ADGRG4: variants seen among roughly 807,000 people sequenced by gnomAD.
ADGRG4 encodes the protein adhesion G protein-coupled receptor G4.
In ADGRG4, 122 loss-of-function variants were observed where a neutral mutation model predicts 126.2. That is an observed-to-expected ratio of 0.97 (90% CI 0.83 to 1.12). The LOEUF is 1.12. ADGRG4 is among the 50% of genes most tolerant of loss of function. The probability of loss-of-function intolerance (pLI) is 0.00; values close to 1 mark genes in which losing one functional copy is unlikely to be tolerated. For synonymous variants in ADGRG4, 943 were observed against 838.7 expected, an observed-to-expected ratio of 1.12 and a Z score of -2.15; for missense variants, 2,481 against 2,251.8, an observed-to-expected ratio of 1.10 and a Z score of -2.06.
intron 13 of ADGRG4, among the ~76,000 whole-genome samples, chrX:136,364,595 TA>T (rs1477542683): frequency 1.8e-5 from 2 of 112,181 alleles, no homozygotes; most frequent in African/African-American, 3.2e-5. Flanking sequence ...ACTGTACAAC[TA>T]TTTTTGTGTT....
rs774921232 is a variant in ADGRG4 at position 136,323,226 on chromosome X, C to T, written c.519C>T (p.Ser173=). The T allele has an allele frequency of 5.0e-6, 6 of 1,209,640 alleles. No homozygotes were observed. Among genetic ancestry groups the T allele is most frequent in the African/African-American group, 1.8e-5 (1 of 57,077 alleles). Residue 173 remains serine, a synonymous_variant, in exon 5 of 26, where the codon AGC becomes AGT. Transcript: ENST00000394143. ...AGAATGAGAGCAGCGAGGTTAAAAG[C>T]ATGATGCGTAGCTTTCCTGGCAGCT... is the stretch of plus-strand genomic sequence containing the variant. ...FLKNESSEVK[S]MMRSFPGSLY...
At position 136,322,816 on chromosome X, in the gene ADGRG4, G is replaced by T; in HGVS notation, c.109G>T (p.Gly37Ter). 8.4e-7 allele frequency: 1 copy of T among 1,188,872 alleles called. No individual in the cohort carries two copies. Among genetic ancestry groups the T allele is most frequent in the Non-Finnish European group, 1.1e-6 (1 of 884,028 alleles). The stretch of plus-strand genomic sequence containing the variant: ...AAAAGGAAAAAAGCTGGATTTTTTT[G>T]GAAGAGGTGACACATATGTAAGCCT... ...SLKGKKLDFF[G>*]RGDTYVSLID... The change falls in exon 5 of 26, where the codon GGA (glycine) becomes TGA (stop). Residue 37 changes from glycine (G) to a stop codon, truncating the protein, a stop_gained. Transcript: ENST00000394143. LOFTEE classifies it high-confidence loss of function.
chrX:136,312,122 G>A (rs974297476), intron 4 of ADGRG4, among the ~76,000 whole-genome samples: 1 of 112,017 alleles, frequency 8.9e-6, no homozygotes, highest in Non-Finnish European at 1.9e-5. Flanking sequence ...TGCAACATGT[G>A]GCTAGGTTTT....
In ADGRG4 at chrX:136,395,448, C is replaced by T. The variant is rs760907532; in HGVS notation, c.8139C>T (p.Tyr2713=). ...AAGTAAAGGAAACAAATGTAAATTA[C>T]ACAATCTGTCAGTGTGACCACCTCA... is the stretch of plus-strand genomic sequence containing the variant. ...GCKVKETNVN[Y]TICQCDHLTH... The change falls in exon 19 of 26, where the codon TAC becomes TAT. Residue 2713 remains tyrosine, a synonymous_variant. Coordinates refer to ENST00000394143, the MANE Select transcript of ADGRG4 (RefSeq NM_153834.4). The T allele has an allele frequency of 3.3e-6, 4 of 1,199,610 alleles. No individual in the cohort carries two copies. Among genetic ancestry groups the T allele is most frequent in the Non-Finnish European group, 3.4e-6 (3 of 885,279 alleles).
chrX:136,390,238 G>A (rs1266653653), intron 16 of ADGRG4, among the ~76,000 whole-genome samples: 2 of 110,960 alleles, frequency 1.8e-5, no homozygotes, highest in African/African-American at 6.6e-5. Flanking sequence ...TTTTTGTAGA[G>A]ATGGGGTCTC....
intron 25 of ADGRG4, 31 bp downstream of exon 25, chrX:136,414,358 T>A: frequency 9.1e-7 from 1 of 1,103,287 alleles, no homozygotes; most frequent in Non-Finnish European, 1.2e-6. Context: ...TGTCTACATT[T>A]ATATTCCAGA....
At chrX:136,308,503 G>A (rs1445011580) in intron 3 of ADGRG4, among the ~76,000 whole-genome samples, 1 of 112,083 alleles carries the variant, frequency 8.9e-6, no homozygotes. Context: ...TCTCAGCACT[G>A]TATTCCCAGG....
In ADGRG4 at chrX:136,347,221, A is replaced by T; in HGVS notation, c.3515A>T (p.Gln1172Leu). The T allele has an allele frequency of 5.8e-6, 7 of 1,210,190 alleles. No individual in the cohort carries two copies. Among genetic ancestry groups the T allele is most frequent in the Non-Finnish European group, 7.8e-6 (7 of 894,331 alleles). The change falls in exon 6 of 26, where the codon CAA becomes CTA. Residue 1172 changes from glutamine (Q) to leucine (L), a missense_variant. Transcript: ENST00000394143. ...ACTACGTCTACACCAGAAGCAACTC[A>T]ACCAATATCTCAAGTAGAGGAGACT... ...ISTTSTPEAT[Q>L]PISQVEETST...
At position 136,405,833 on chromosome X, in the gene ADGRG4, G is replaced by T; in HGVS notation, c.8796G>T (p.Arg2932=). The T allele has an allele frequency of 8.3e-7, 1 of 1,210,794 alleles. No homozygotes were observed. The highest frequency in any genetic ancestry group is 2.3e-4 in the Middle Eastern group (1 of 4,352). ...SVKSQIQKTR[R]KMILHDLKGT... Reference sequence around the variant, plus strand: ...AATCCCAAATCCAGAAGACTCGGCGGAAGATGATCCTGCATGACCTCAAAG... The same window carrying T: ...AATCCCAAATCCAGAAGACTCGGCGTAAGATGATCCTGCATGACCTCAAAG... Residue 2932 remains arginine (R), a synonymous_variant, in exon 23 of 26, where the codon CGG becomes CGT. Transcript: ENST00000394143.
In ADGRG4 at chrX:136,350,421, A is replaced by T. The variant is rs761990493; in HGVS notation, c.6715A>T (p.Thr2239Ser). 1 of 1,203,807 alleles carries T rather than the reference A, an allele frequency of 8.3e-7. No homozygotes were observed. The highest frequency in any genetic ancestry group is 2.2e-5 in the Admixed American group (1 of 45,675). Reference sequence around the variant, plus strand: ...GGAAGCATCGACTTCGCCTACTGCCACCAAGTCCACAGGTACTGCTCCATA... The same window carrying T: ...GGAAGCATCGACTTCGCCTACTGCCTCCAAGTCCACAGGTACTGCTCCATA... ...STEASTSPTA[T>S]KSTVSFYNVE... The change falls in exon 6 of 26, where the codon ACC becomes TCC. Residue 2239 changes from threonine to serine, a missense_variant. Coordinates refer to ENST00000394143, the MANE Select transcript of ADGRG4 (RefSeq NM_153834.4).
chrX:136,411,152 G>A (rs755304577), intron 23 of ADGRG4, among the ~76,000 whole-genome samples: 2 of 111,313 alleles, frequency 1.8e-5, no homozygotes, highest in East Asian at 2.8e-4. Context: ...CGCCTCCTGG[G>A]TTCAAGTGAT....
rs772420392 is a variant in ADGRG4, at chrX:136,347,174, G to A, written c.3468G>A (p.Ala1156=). The part of the protein sequence containing the change: ...SKPPPDNIPP[A]SSTHVISTTS... ...CTCCCCCTGACAACATTCCTCCTGC[G>A]TCCTCCACTCATGTGATCTCAACTA... Residue 1156 remains alanine, a synonymous_variant, in exon 6 of 26, where the codon GCG becomes GCA. Coordinates refer to ENST00000394143, the MANE Select transcript of ADGRG4 (RefSeq NM_153834.4). The A allele has an allele frequency of 3.5e-5, 42 of 1,208,727 alleles. No individual in the cohort carries two copies. Among genetic ancestry groups the A allele is most frequent in the Middle Eastern group, 4.6e-4 (2 of 4,368 alleles).
chrX:136,313,413 T>A (rs757216018), intron 4 of ADGRG4, among the ~76,000 whole-genome samples: 33 of 112,651 alleles, frequency 2.9e-4, no homozygotes, highest in African/African-American at 1.1e-3. Flanking sequence ...TATTAAGCAT[T>A]TTTTCATGTG....
intron 22 of ADGRG4, among the ~76,000 whole-genome samples, chrX:136,404,686 C>T (rs1489807594): frequency 8.9e-6 from 1 of 112,225 alleles, no homozygotes; most frequent in Non-Finnish European, 1.9e-5. Flanking sequence ...AACAATATAT[C>T]TTGGAGGTGA....
chrX:136,345,285 T>TTGAC lies in ADGRG4; in HGVS notation c.1580_1583dup (p.Ser529AspfsTer28). ...TGCCCCAAGGACAGCTGAAACAGAA[T>TTGAC]TGACATCTACAAATTTTCAGGATGT... On this transcript the variant is annotated frameshift_variant, in exon 6 of 26. Transcript: ENST00000394143. LOFTEE classifies it high-confidence loss of function. 1 of 1,210,951 alleles carries TTGAC rather than the reference T, an allele frequency of 8.3e-7. No homozygotes were observed. The highest frequency in any genetic ancestry group is 1.1e-6 in the Non-Finnish European group (1 of 894,886).
chrX:136,344,591 A>G lies in ADGRG4; in HGVS notation c.885A>G (p.Glu295=), dbSNP rs1172179725. 1 of 1,207,107 alleles carries G rather than the reference A, an allele frequency of 8.3e-7. No homozygotes were observed. Among genetic ancestry groups the G allele is most frequent in the Non-Finnish European group, 1.1e-6 (1 of 891,710 alleles). The part of the protein sequence containing the change: ...SYSNTTSPPL[E]TMTAQKILKT... ...CCAATACAACATCTCCACCTCTGGA[A>G]ACAATGACTGCACAAAAAATCTTAA... The change falls in exon 6 of 26, where the codon GAA becomes GAG. Residue 295 remains glutamate (E), a synonymous_variant. Coordinates refer to ENST00000394143, the MANE Select transcript of ADGRG4 (RefSeq NM_153834.4).
At chrX:136,313,253 T>C (rs913245230) in intron 4 of ADGRG4, among the ~76,000 whole-genome samples, 2 of 112,150 alleles carry the variant, frequency 1.8e-5, no homozygotes, top group African/African-American at 3.2e-5. Flanking sequence ...AGAAGCTGCA[T>C]CATTTTACAT....
At chrX:136,344,169 G>A (rs1232397280) in intron 5 of ADGRG4, among the ~76,000 whole-genome samples, 1 of 111,321 alleles carries the variant, frequency 9.0e-6, no homozygotes, top group African/African-American at 3.3e-5. Flanking sequence ...AAGATACTAC[G>A]AAATGGATAT....
At chrX:136,413,897 C>T (rs1193075661) in intron 24 of ADGRG4, among the ~76,000 whole-genome samples, 2 of 110,190 alleles carry the variant, frequency 1.8e-5, no homozygotes, top group South Asian at 3.9e-4. Flanking sequence ...TGCGCCACCC[C>T]GCCCGGCTAA....
Sources: allele counts gnomAD v4.1 joint callset (sites outside exome capture counted in the v4.1 genomes callset), GRCh38; gene constraint gnomAD v4.1.1; transcripts MANE v1.5; gene names NCBI Gene and HGNC (gene_info 2026-07-23, HGNC 2026-07-21).